The following PCDHA3 variants were observed in gnomAD, a reference collection of about 807,000 sequenced individuals.
PCDHA3 encodes protocadherin alpha-3.
In PCDHA3, 41 loss-of-function variants were observed where a neutral mutation model predicts 62.2. The ratio of observed to expected loss-of-function variants is 0.66; its 90% CI spans 0.51 to 0.86. PCDHA3 has a LOEUF of 0.86. PCDHA3 is among the 40% of genes least tolerant of loss of function. The pLI is 0.00. For synonymous variants in PCDHA3, 640 were observed against 555.4 expected, an observed-to-expected ratio of 1.15 and a Z score of -2.14; for missense variants, 1,304 against 1,241.2, an observed-to-expected ratio of 1.05 and a Z score of -0.76.
chr5:140,950,569 T>G (rs969438550), intron 1 of PCDHA3, among the ~76,000 whole-genome samples: 2 of 152,120 alleles, frequency 1.3e-5, no homozygotes, highest in African/African-American at 4.8e-5. Context: ...TATTTTAAGG[T>G]TTTCTACTTA....
chr5:140,894,956 A>T (rs2064745767), intron 1 of PCDHA3, among the ~76,000 whole-genome samples: 1 of 152,208 alleles, frequency 6.6e-6, no homozygotes, highest in South Asian at 2.1e-4. Context: ...AATGATAAAA[A>T]TATAATTTTT....
chr5:140,927,907 G>T, intron 1 of PCDHA3: 1 of 1,614,156 alleles, frequency 6.2e-7, no homozygotes, highest in Non-Finnish European at 8.5e-7. Context: ...TCATGCCCCC[G>T]AACTGGACTT....
At chr5:140,853,917 C>A (rs2042908511) in intron 1 of PCDHA3, 1 of 942,718 alleles carries the variant, frequency 1.1e-6, no homozygotes, top group Non-Finnish European at 1.3e-6. Flanking sequence ...ACCTGCAATC[C>A]CAACATTTTG....
At chr5:140,914,033 G>A (rs1192515722) in intron 1 of PCDHA3, among the ~76,000 whole-genome samples, 1 of 152,138 alleles carries the variant, frequency 6.6e-6, no homozygotes, top group Non-Finnish European at 1.5e-5. Context: ...GTGCTGAGAA[G>A]AATGTGTATT....
chr5:140,940,499 G>A (rs190058542), intron 1 of PCDHA3, among the ~76,000 whole-genome samples: 23 of 151,756 alleles, frequency 1.5e-4, no homozygotes, highest in African/African-American at 3.9e-4. Context: ...GTCTTGCTCC[G>A]TCGCTCAGGC....
At position 140,865,331 on chromosome 5, in the gene PCDHA3, TAAAG is replaced by T. The variant is rs2048827631; in HGVS notation, c.2394+61744_2394+61747del. 4 of 152,230 alleles carry T rather than the reference TAAAG, an allele frequency of 2.6e-5. No homozygotes were observed. The South Asian group carries it at 8.3e-4, about 31-fold the overall frequency. The allele number at this position is 152,230 out of a possible 1,614,324, so 9.4% of individuals were successfully genotyped here. On this transcript the variant is annotated intron_variant, in intron 1 of 3. Transcript: ENST00000522353. ...AAATGAGATGGCCTTTAATTCTGTGTAAAGAAATAGTATATTTACATATTGCAGG... is the reference window on the plus strand; with the variant it reads ...AAATGAGATGGCCTTTAATTCTGTGTAAATAGTATATTTACATATTGCAGG...
chr5:140,847,230 A>G (rs1780911631), intron 1 of PCDHA3, among the ~76,000 whole-genome samples: 1 of 149,868 alleles, frequency 6.7e-6, no homozygotes, highest in Admixed American at 6.7e-5. Flanking sequence ...GAGCTATTTA[A>G]CTACCTTGAG....
chr5:140,858,068 G>A (rs576753961), intron 1 of PCDHA3: 1 of 1,597,756 alleles, frequency 6.3e-7, no homozygotes, highest in African/African-American at 1.3e-5. Context: ...GGGCAGCCAG[G>A]CACCCAAGGC....
At chr5:140,824,188 A>C in intron 1 of PCDHA3, 2 of 1,604,144 alleles carry the variant, frequency 1.2e-6, no homozygotes, top group Non-Finnish European at 8.5e-7. Flanking sequence ...TAAATGTCAC[A>C]TTCACCCACT....
At chr5:140,941,191 T>TTTCTTTCTTTC (rs1487503403) in intron 1 of PCDHA3, among the ~76,000 whole-genome samples, 64 of 93,246 alleles carry the variant, frequency 6.9e-4, no homozygotes, top group South Asian at 4.2e-3. Context: ...GCTTCTTTTT[T>TTTCTTTCTTTC]TTTCTTTCTT....
Position 140,872,661 on chromosome 5 carries a change from T to G in PCDHA3, c.2394+69070T>G, listed in dbSNP as rs544432969. Among the ~76,000 whole-genome samples the G allele has an allele frequency of 2.0e-5, 3 of 152,284 alleles. No individual in the cohort carries two copies. In the East Asian group the frequency reaches 5.8e-4, roughly 29 times the overall value. ...ATGAAAAGGCAAGAGATTTGTCAAC[T>G]ATTGGATACTCAAACAAAATGGCAT... On this transcript the variant is annotated intron_variant, in intron 1 of 3. Transcript: ENST00000522353.
chr5:140,868,952 C>A, intron 1 of PCDHA3: 7 of 1,342,044 alleles, frequency 5.2e-6, no homozygotes, highest in Non-Finnish European at 7.0e-6. Context: ...CAGTGAGGCA[C>A]TCCCATACAA....
At position 140,840,157 on chromosome 5, in the gene PCDHA3, G is replaced by T. The variant is rs1313215896; in HGVS notation, c.2394+36566G>T. 2.0e-5 allele frequency among the ~76,000 whole-genome samples: 3 copies of T among 151,986 alleles called. No homozygotes were observed. The East Asian group carries it at 5.8e-4, about 29-fold the overall frequency. ...AGAAATTATCACACGTGAAAGGAGA[G>T]ATGGGATGTATACAAATTTTAAATA... On this transcript the variant is annotated intron_variant, in intron 1 of 3. Transcript: ENST00000522353.
chr5:140,862,294 T>G, intron 1 of PCDHA3: 1 of 269,096 alleles, frequency 3.7e-6, no homozygotes, highest in Non-Finnish European at 7.3e-6. Context: ...AGGAGGACGC[T>G]CCACTGGGTA....
chr5:140,999,019 A>C (rs782524233), intron 3 of PCDHA3, among the ~76,000 whole-genome samples: 1 of 152,208 alleles, frequency 6.6e-6, no homozygotes, highest in Non-Finnish European at 1.5e-5. Context: ...TGAACCCAAG[A>C]CTTTTGATAC....
In PCDHA3 at chr5:140,830,599, CAT is replaced by C. The variant is rs1289049837; in HGVS notation, c.2394+27011_2394+27012del. On this transcript the variant is annotated intron_variant, in intron 1 of 3. Coordinates refer to ENST00000522353, the MANE Select transcript of PCDHA3 (RefSeq NM_018906.3). ...ATTTTTAATTAATTTTACAAAATTA[CAT>C]ATTTTCATTTTATTGTGTTTCTTAT... The C allele has an allele frequency of 6.0e-6, 4 of 668,838 alleles. No individual in the cohort carries two copies. The African/African-American group carries it at 7.6e-5, about 13-fold the overall frequency. The allele number at this position is 668,838 out of a possible 1,614,324, so 41.4% of individuals were successfully genotyped here. A position where few individuals can be genotyped will look rare whatever the true frequency, so the allele number is the denominator to read the frequency against.
chr5:140,813,372 G>A (rs2126646114), intron 1 of PCDHA3: 1 of 152,238 alleles, frequency 6.6e-6, no homozygotes, highest in African/African-American at 2.4e-5. Flanking sequence ...TACAGACCTA[G>A]GTTACATGAT....
intron 1 of PCDHA3, among the ~76,000 whole-genome samples, chr5:140,963,905 G>A (rs1326633249): frequency 6.6e-6 from 1 of 152,182 alleles, no homozygotes; most frequent in African/African-American, 2.4e-5. Flanking sequence ...TGAGTAAAGT[G>A]AAGCTTAGGC....
intron 1 of PCDHA3, chr5:140,803,943 G>A (rs539392067): frequency 2.7e-6 from 1 of 377,142 alleles, no homozygotes; most frequent in Non-Finnish European, 4.7e-6. Flanking sequence ...CCTATACAAT[G>A]CTTCTTCAAT....
Sources: allele counts gnomAD v4.1 joint callset (sites outside exome capture counted in the v4.1 genomes callset), GRCh38; gene constraint gnomAD v4.1.1; transcripts MANE v1.5; gene names NCBI Gene and HGNC (gene_info 2026-07-23, HGNC 2026-07-21).